BNIP2: variants seen among roughly 807,000 people sequenced by gnomAD.
The protein encoded by BNIP2 is BCL2 interacting protein 2.
In BNIP2, 36 loss-of-function variants were observed where a neutral mutation model predicts 43.4. That is an observed-to-expected ratio of 0.83 (90% CI 0.64 to 1.10). The LOEUF (loss-of-function observed/expected upper bound fraction) is 1.10, where lower values mean the gene tolerates loss of function less well. Ranked by LOEUF, BNIP2 falls within the 50% of genes least tolerant of loss-of-function variation. BNIP2 has a pLI of 0.00. For synonymous variants in BNIP2, 146 were observed against 121.0 expected, an observed-to-expected ratio of 1.21 and a Z score of -1.35; for missense variants, 417 against 374.1, an observed-to-expected ratio of 1.11 and a Z score of -0.95.
chr15:59,688,904 G>C, intron 1 of BNIP2: 2 of 1,468,012 alleles, frequency 1.4e-6, no homozygotes, highest in South Asian at 2.8e-5. Flanking sequence ...GGGGTGGGGG[G>C]CCAAACTGCC....
intron 8 of BNIP2, 76 bp downstream of exon 8, chr15:59,669,200 G>A (rs1892748149): frequency 3.5e-6 from 4 of 1,131,982 alleles, no homozygotes; most frequent in East Asian, 2.6e-5. Flanking sequence ...CCATAAGTAT[G>A]TATAGTTATT....
rs560633176 is a variant in BNIP2, at chr15:59,660,229, G to C, written c.*3840C>G. 2.6e-5 allele frequency: 4 copies of C among 152,280 alleles called. No homozygotes were observed. The South Asian group carries it at 8.3e-4, about 32-fold the overall frequency. 9.4% of individuals were successfully genotyped at this position (152,280 alleles called of 1,614,324 possible). A position where few individuals can be genotyped will look rare whatever the true frequency, so the allele number is the denominator to read the frequency against. The stretch of plus-strand genomic sequence containing the variant: ...ACAGCAAAATAGGTCTAACTTGTGA[G>C]TACATACATTAATGCCTCTTTTTAC... On this transcript the variant is annotated 3_prime_UTR_variant, in exon 10 of 10. Coordinates refer to ENST00000607373, the MANE Select transcript of BNIP2 (RefSeq NM_004330.4).
At position 59,670,033 on chromosome 15, in the gene BNIP2, C is replaced by T. The variant is rs575654529; in HGVS notation, c.708-671G>A. On this transcript the variant is annotated intron_variant, in intron 7 of 9. Coordinates refer to ENST00000607373, the MANE Select transcript of BNIP2 (RefSeq NM_004330.4). ...TTAGCCACAGCAAGATCAAACCAAT[C>T]GGAAGATCACATTCCTTCCATTAAG... 4.4e-4 allele frequency among the ~76,000 whole-genome samples: 67 copies of T among 152,300 alleles called. 2 individuals are homozygous for T. In the Middle Eastern group the frequency reaches 0.01, roughly 23 times the overall value.
rs554113922 is a variant in BNIP2 at position 59,662,648 on chromosome 15, A to T, written c.*1421T>A. The T allele has an allele frequency of 2.6e-5, 4 of 152,218 alleles. No individual in the cohort carries two copies. The highest frequency in any genetic ancestry group is 5.9e-5 in the Non-Finnish European group (4 of 68,044). 9.4% of individuals were successfully genotyped at this position (152,218 alleles called of 1,614,324 possible). On this transcript the variant is annotated 3_prime_UTR_variant, in exon 10 of 10. Coordinates refer to ENST00000607373, the MANE Select transcript of BNIP2 (RefSeq NM_004330.4). ...TGTGTGTTCAATCTAGGATAGACTA[A>T]ATCTTGAAAGGTTAGCTCACATCCA...
intron 5 of BNIP2, among the ~76,000 whole-genome samples, chr15:59,675,283 G>A (rs1331187905): frequency 6.7e-6 from 1 of 150,272 alleles, no homozygotes; most frequent in Non-Finnish European, 1.5e-5. Flanking sequence ...TTTGTTCACG[G>A]TTTTAAGGCA....
intron 1 of BNIP2, among the ~76,000 whole-genome samples, chr15:59,687,323 C>T (rs728037): frequency 0.38 from 57,563 of 150,210 alleles, 11,555 homozygotes; most frequent in East Asian, 0.54. Flanking sequence ...AAACTTACTT[C>T]ATAGGATGTA....
intron 9 of BNIP2, chr15:59,668,064 G>C (rs1440075031): frequency 2.5e-5 from 32 of 1,255,924 alleles, no homozygotes; most frequent in Non-Finnish European, 3.2e-5. Context: ...AATGCAAATG[G>C]ACTAGTCTAG....
chr15:59,670,636 T>A (rs1206075455), intron 7 of BNIP2, among the ~76,000 whole-genome samples: 1 of 152,194 alleles, frequency 6.6e-6, no homozygotes, highest in African/African-American at 2.4e-5. Flanking sequence ...TAAAGCTACT[T>A]TGTAAGTTTG....
chr15:59,669,421 T>A, intron 7 of BNIP2, 59 bp from the exon 8 acceptor site: 1 of 1,184,202 alleles, frequency 8.4e-7, no homozygotes, highest in South Asian at 1.6e-5. Flanking sequence ...CTATAAATTC[T>A]AATGCTGCAA....
chr15:59,683,328 T>C, intron 1 of BNIP2, among the ~76,000 whole-genome samples: 1 of 152,190 alleles, frequency 6.6e-6, no homozygotes, highest in East Asian at 1.9e-4. Context: ...TGGTTAACAA[T>C]GCAACAAAAC....
chr15:59,683,654 T>TA (rs1391510415), intron 1 of BNIP2, among the ~76,000 whole-genome samples: 1 of 152,240 alleles, frequency 6.6e-6, no homozygotes, highest in African/African-American at 2.4e-5. Context: ...CAGTCTCTAC[T>TA]AAAAATACAA....
chr15:59,677,715 G>C, intron 5 of BNIP2, 196 bp downstream of exon 5: 1 of 1,146,522 alleles, frequency 8.7e-7, no homozygotes. Context: ...AGTGCCCCTT[G>C]TGTAAAGTTA....
chr15:59,668,755 G>T, intron 9 of BNIP2, 137 bp downstream of exon 9: 1 of 641,860 alleles, frequency 1.6e-6, no homozygotes, highest in Non-Finnish European at 2.4e-6. Flanking sequence ...CTTTTTCTTT[G>T]TTACACACAC....
Position 59,677,117 on chromosome 15 carries a change from T to C in BNIP2, c.472+794A>G, listed in dbSNP as rs923566479. ...TCATAGAAATGGGCAAGGTCAAGGATATTGTCATCAATGAGGCTATTTACA... is the reference window on the plus strand; with the variant it reads ...TCATAGAAATGGGCAAGGTCAAGGACATTGTCATCAATGAGGCTATTTACA... On this transcript the variant is annotated intron_variant, in intron 5 of 9. Transcript: ENST00000607373. The C allele has an allele frequency of 3.7e-6, 6 of 1,605,580 alleles. No individual in the cohort carries two copies. The African/African-American group carries it at 8.0e-5, about 21-fold the overall frequency.
At chr15:59,677,766 A>G (rs1420144024) in intron 5 of BNIP2, 145 bp downstream of exon 5, 2 of 1,204,164 alleles carry the variant, frequency 1.7e-6, no homozygotes, top group Non-Finnish European at 2.2e-6. Flanking sequence ...AGCAGGAAGA[A>G]ATGTCCTACA....
intron 1 of BNIP2, among the ~76,000 whole-genome samples, chr15:59,686,196 A>C (rs1894004100): frequency 6.6e-6 from 1 of 152,222 alleles, no homozygotes; most frequent in South Asian, 2.1e-4. Flanking sequence ...TGGTAAATCC[A>C]ACCAGGATGA....
chr15:59,669,492 C>G, intron 7 of BNIP2, 130 bp from the exon 8 acceptor site: 1 of 568,574 alleles, frequency 1.8e-6, no homozygotes, highest in Non-Finnish European at 3.0e-6. Flanking sequence ...GTGTGATACC[C>G]CTGTAGACAA....
At chr15:59,671,367 C>T (rs1006704949) in intron 6 of BNIP2, 53 bp from the exon 7 acceptor site, 1 of 1,469,696 alleles carries the variant, frequency 6.8e-7, no homozygotes, top group East Asian at 2.5e-5. Context: ...CATAACTGAA[C>T]TAGGTTCTCT....
chr15:59,683,667 A>C (rs1328915256), intron 1 of BNIP2, among the ~76,000 whole-genome samples: 1 of 151,996 alleles, frequency 6.6e-6, no homozygotes, highest in Non-Finnish European at 1.5e-5. Context: ...AAATACAAAA[A>C]CATTAGCCGG....
Sources: allele counts gnomAD v4.1 joint callset (sites outside exome capture counted in the v4.1 genomes callset), GRCh38; gene constraint gnomAD v4.1.1; transcripts MANE v1.5; gene names NCBI Gene and HGNC (gene_info 2026-07-23, HGNC 2026-07-21).